Variants in RBMS2 observed in about 807,000 individuals in gnomAD.
The protein encoded by RBMS2 is RNA binding motif single stranded interacting protein 2, also known as RNA-binding motif, single-stranded-interacting protein 2.
In RBMS2, 38 loss-of-function variants were observed where a neutral mutation model predicts 58.4. The ratio of observed to expected loss-of-function variants is 0.65; its 90% CI spans 0.50 to 0.85. The LOEUF is 0.85. Ranked by LOEUF, RBMS2 falls within the 40% of genes least tolerant of loss-of-function variation. The probability of loss-of-function intolerance (pLI) is 0.00; values close to 1 mark genes in which losing one functional copy is unlikely to be tolerated. For missense variants in RBMS2, 367 were observed against 503.7 expected, an observed-to-expected ratio of 0.73 and a Z score of 2.60; for synonymous variants, 151 against 180.7, an observed-to-expected ratio of 0.84 and a Z score of 1.32.
chr12:56,583,786 T>G (rs542086133), intron 9 of RBMS2, among the ~76,000 whole-genome samples: 1 of 152,392 alleles, frequency 6.6e-6, no homozygotes, highest in South Asian at 2.1e-4. Context: ...TCTCTCTGAT[T>G]GCTATTCATA....
chr12:56,561,046 T>C (rs1592423199), intron 1 of RBMS2, among the ~76,000 whole-genome samples: 1 of 152,332 alleles, frequency 6.6e-6, no homozygotes, highest in South Asian at 2.1e-4. Flanking sequence ...ATTAGTTTGC[T>C]AAGGATAATG....
rs898446815 is a variant in RBMS2, at chr12:56,589,288, G to A, written c.*155G>A. 7.1e-6 allele frequency: 10 copies of A among 1,399,642 alleles called. No individual in the cohort carries two copies. The African/African-American group carries it at 1.3e-4, about 18-fold the overall frequency. The allele number at this position is 1,399,642 out of a possible 1,614,324, so 86.7% of individuals were successfully genotyped here. On this transcript the variant is annotated 3_prime_UTR_variant, in exon 14 of 14. Coordinates refer to ENST00000262031, the MANE Select transcript of RBMS2 (RefSeq NM_002898.4). The stretch of plus-strand genomic sequence containing the variant: ...CATCGTTTTTCACAGGCCTGGGCCT[G>A]GAAAAAGAAATCTCTACGTTCCTGC...
chr12:56,535,494 CAAA>C (rs59905092), intron 1 of RBMS2, among the ~76,000 whole-genome samples: 5 of 97,738 alleles, frequency 5.1e-5, no homozygotes, highest in African/African-American at 1.3e-4. Context: ...GACTCCATCT[CAAA>C]AAAAAAAAAA....
intron 1 of RBMS2, among the ~76,000 whole-genome samples, chr12:56,543,635 G>A (rs1876573474): frequency 6.6e-6 from 1 of 150,766 alleles, no homozygotes; most frequent in Non-Finnish European, 1.5e-5. Context: ...TTACAGACAT[G>A]AGCCACCACA....
chr12:56,562,298 A>C, intron 1 of RBMS2, 119 bp from the exon 2 acceptor site: 46 of 890,300 alleles, frequency 5.2e-5, no homozygotes, highest in Non-Finnish European at 7.4e-5. Context: ...TGTCCAAGTG[A>C]GTGCACATTT....
chr12:56,532,325 C>T (rs1201942951), intron 1 of RBMS2, among the ~76,000 whole-genome samples: 12 of 151,982 alleles, frequency 7.9e-5, no homozygotes, highest in South Asian at 2.1e-4. Flanking sequence ...GGCAGATCAC[C>T]GGAGGTCAGG....
At chr12:56,523,810 G>A (rs1004769032) in intron 1 of RBMS2, among the ~76,000 whole-genome samples, 3 of 152,074 alleles carry the variant, frequency 2.0e-5, no homozygotes, top group African/African-American at 7.2e-5. Flanking sequence ...ATCAATATAT[G>A]TTTATATGTA....
At position 56,581,666 on chromosome 12, in the gene RBMS2, T is replaced by A; in HGVS notation, c.732+158T>A. The A allele has an allele frequency of 3.5e-6, 4 of 1,132,306 alleles. No homozygotes were observed. The South Asian group carries it at 5.7e-5, about 16-fold the overall frequency. 70.1% of individuals were successfully genotyped at this position (1,132,306 alleles called of 1,614,324 possible). ...AACATACTGCCAGTTTGTTCTCGAG[T>A]GTGGCTTTGCGGCCTGCACAATTAG... On this transcript the variant is annotated intron_variant, in intron 7 of 13. Transcript: ENST00000262031.
At chr12:56,543,821 C>T (rs990231927) in intron 1 of RBMS2, among the ~76,000 whole-genome samples, 12 of 149,532 alleles carry the variant, frequency 8.0e-5, no homozygotes, top group Admixed American at 7.4e-4. Flanking sequence ...GCGTGCGCCA[C>T]CACGCCTGGC....
chr12:56,537,682 C>T (rs1318241419), intron 1 of RBMS2, among the ~76,000 whole-genome samples: 1 of 152,156 alleles, frequency 6.6e-6, no homozygotes, highest in African/African-American at 2.4e-5. Context: ...TCAAGTGTCC[C>T]TTTGAGACAC....
intron 1 of RBMS2, among the ~76,000 whole-genome samples, chr12:56,538,434 A>C (rs1439900265): frequency 1.4e-5 from 2 of 145,886 alleles, no homozygotes; most frequent in Non-Finnish European, 3.0e-5. Context: ...GATTACACTG[A>C]ATCTGCAGAT....
chr12:56,565,764 C>A (rs1881243406), intron 2 of RBMS2, among the ~76,000 whole-genome samples: 1 of 151,986 alleles, frequency 6.6e-6, no homozygotes, highest in African/African-American at 2.4e-5. Context: ...AGTTGTCTCT[C>A]CCTGGGTTGT....
chr12:56,553,961 ACTATAGG>A (rs1197448623), intron 1 of RBMS2, among the ~76,000 whole-genome samples: 1 of 151,380 alleles, frequency 6.6e-6, no homozygotes, highest in Non-Finnish European at 1.5e-5. Flanking sequence ...AGTAGCTGGG[ACTATAGG>A]CGCATGCCAC....
chr12:56,527,867 GAATATGC>G (rs1351021962), intron 1 of RBMS2: 1 of 151,306 alleles, frequency 6.6e-6, no homozygotes, highest in Non-Finnish European at 1.5e-5. Flanking sequence ...TTCCATAGGA[GAATATGC>G]AATATGCAAT....
intron 5 of RBMS2, among the ~76,000 whole-genome samples, chr12:56,573,897 A>G (rs56935296): frequency 0.035 from 5,284 of 152,060 alleles, 300 homozygotes; most frequent in African/African-American, 0.12. Context: ...CTGGAGTGCA[A>G]TGGCACAATC....
At chr12:56,588,036 G>A (rs1305465634) in intron 11 of RBMS2, among the ~76,000 whole-genome samples, 1 of 152,184 alleles carries the variant, frequency 6.6e-6, no homozygotes, top group Non-Finnish European at 1.5e-5. Flanking sequence ...AAGGGCTCAA[G>A]GGTAGAGAAG....
At chr12:56,520,873 G>C (rs1871654618), upstream of RBMS2, among the ~76,000 whole-genome samples, 2 of 152,044 alleles carry the variant, frequency 1.3e-5, no homozygotes, top group Non-Finnish European at 2.9e-5. Context: ...GAAATAGCAG[G>C]GTAAAGTGTT....
At chr12:56,578,317 C>T (rs1883441818) in intron 5 of RBMS2, among the ~76,000 whole-genome samples, 1 of 151,826 alleles carries the variant, frequency 6.6e-6, no homozygotes, top group African/African-American at 2.4e-5. Flanking sequence ...TTAGTAGAGA[C>T]AGGGTTTCAC....
chr12:56,541,990 A>T (rs143283895), intron 1 of RBMS2, among the ~76,000 whole-genome samples: 1 of 152,302 alleles, frequency 6.6e-6, no homozygotes, highest in East Asian at 1.9e-4. Flanking sequence ...ATTTTAAAAG[A>T]TGATACAAGA....
Sources: gnomAD v4.1 joint callset for allele counts (sites outside exome capture counted in the v4.1 genomes callset) on GRCh38, gnomAD v4.1.1 for gene constraint, MANE v1.5 for transcripts, NCBI Gene and HGNC (gene_info 2026-07-23, HGNC 2026-07-21) for gene names.